TDRD12: variants seen among roughly 807,000 people sequenced by gnomAD.
TDRD12 encodes the protein putative ATP-dependent RNA helicase TDRD12.
TDRD12 carries 158 observed loss-of-function variants against 133.5 expected under a neutral mutation model. That is an observed-to-expected ratio of 1.18 (90% CI 1.04 to 1.35). TDRD12 has a LOEUF of 1.35. TDRD12 is among the 40% of genes most tolerant of loss of function. The probability of loss-of-function intolerance (pLI) is 0.00; values close to 1 mark genes in which losing one functional copy is unlikely to be tolerated. For synonymous variants in TDRD12, 460 were observed against 477.9 expected (o/e 0.96, Z 0.49); for missense variants, 1,443 against 1,321.3 (o/e 1.09, Z -1.43).
chr19:32,738,904 G>A, exon 3 of TDRD12: 4 of 1,551,496 alleles, frequency 2.6e-6, no homozygotes, highest in Non-Finnish European at 3.5e-6. Flanking sequence ...CAGGGCCATT[G>A]TCAAATCAAT....
chr19:32,757,076 C>T, exon 8 of TDRD12: 1 of 1,551,874 alleles, frequency 6.4e-7, no homozygotes, highest in Non-Finnish European at 8.7e-7. Flanking sequence ...ATCTCTGCAA[C>T]ATACATGGTG....
intron 8 of TDRD12, among the ~76,000 whole-genome samples, chr19:32,767,732 C>G (rs1970338882): frequency 6.6e-6 from 1 of 152,150 alleles, no homozygotes; most frequent in South Asian, 2.1e-4. Flanking sequence ...ATGGTGCTTT[C>G]TCTCTCATTT....
intron 19 of TDRD12, 53 bp from the exon 20 acceptor site, chr19:32,802,603 A>C (rs999100584): frequency 1.5e-5 from 23 of 1,514,882 alleles, no homozygotes; most frequent in Non-Finnish European, 1.9e-5. Flanking sequence ...TGCCGGTTAA[A>C]GTAAGTGCGG....
At chr19:32,817,908 C>T (rs1383378433) in intron 26 of TDRD12, among the ~76,000 whole-genome samples, 181 bp from the exon 27 acceptor site, 1 of 126,610 alleles carries the variant, frequency 7.9e-6, no homozygotes, top group African/African-American at 3.3e-5. Flanking sequence ...TCCTCTGGCC[C>T]AGCCCACCCA....
At chr19:32,795,495 G>A (rs1462427509) in intron 14 of TDRD12, among the ~76,000 whole-genome samples, 1 of 152,086 alleles carries the variant, frequency 6.6e-6, no homozygotes, top group Non-Finnish European at 1.5e-5. Flanking sequence ...AAGAGTTACT[G>A]GGGTAAATTT....
intron 8 of TDRD12, among the ~76,000 whole-genome samples, chr19:32,771,440 A>G (rs1970440285): frequency 6.6e-6 from 1 of 152,138 alleles, no homozygotes; most frequent in South Asian, 2.1e-4. Context: ...GTTTACAGGC[A>G]TGCTGTTGCA....
intron 4 of TDRD12, among the ~76,000 whole-genome samples, chr19:32,744,028 CAAAAA>C (rs1046198554): frequency 1.2e-5 from 1 of 80,442 alleles, no homozygotes; most frequent in Admixed American, 1.4e-4. Flanking sequence ...AACTCCATCT[CAAAAA>C]AAAAAAAAAA....
intron 19 of TDRD12, among the ~76,000 whole-genome samples, chr19:32,802,211 A>G (rs899835371): frequency 1.4e-5 from 2 of 139,596 alleles, no homozygotes; most frequent in African/African-American, 5.8e-5. Context: ...TAGTGATCAT[A>G]TATATGATAG....
chr19:32,767,092 T>A (rs550585969), intron 8 of TDRD12, among the ~76,000 whole-genome samples: 1 of 137,460 alleles, frequency 7.3e-6, no homozygotes, highest in African/African-American at 2.7e-5. Context: ...TTTTCATGCA[T>A]TTTATTTATT....
intron 2 of TDRD12, among the ~76,000 whole-genome samples, chr19:32,736,720 T>A (rs965601439): frequency 4.6e-5 from 7 of 152,240 alleles, no homozygotes; most frequent in African/African-American, 1.4e-4. Flanking sequence ...CCCCTTCCTT[T>A]CTGTCTGAGC....
chr19:32,805,479 G>A lies in TDRD12; in HGVS notation c.2553-2070G>A, dbSNP rs182878852. On this transcript the variant is annotated intron_variant, in intron 21 of 27. Coordinates refer to ENST00000444215, the Ensembl canonical transcript of TDRD12. The stretch of plus-strand genomic sequence containing the variant: ...ATGGATAATGGTTTGCTCCAGCATC[G>A]TTTATTTAAAATATCATTCGGTTCT... Among the ~76,000 whole-genome samples, 98 of 151,980 alleles carry A rather than the reference G, an allele frequency of 6.4e-4. 1 individual carries two copies. Among genetic ancestry groups the A allele is most frequent in the Admixed American group, 5.9e-3 (90 of 15,276 alleles).
At chr19:32,759,924 C>T (rs1970104703) in intron 8 of TDRD12, among the ~76,000 whole-genome samples, 2 of 152,254 alleles carry the variant, frequency 1.3e-5, no homozygotes, top group African/African-American at 2.4e-5. Context: ...CTTGGCTCAG[C>T]GCCTGGCCTG....
chr19:32,807,646 A>G (rs769114698), exon 22 of TDRD12: 21 of 1,523,474 alleles, frequency 1.4e-5, no homozygotes, highest in South Asian at 1.4e-4. Flanking sequence ...TGGATACATT[A>G]AAGTAGGTTT....
exon 10 of TDRD12, chr19:32,827,372 C>CTTTTCTTTCTTT (rs61327156): frequency 2.1e-4 from 26 of 122,398 alleles, no homozygotes; most frequent in Non-Finnish European, 3.1e-4. Flanking sequence ...CTTTTCTTTT[C>CTTTTCTTTCTTT]TTTTTTTTTT....
chr19:32,753,238 A>G (rs923136450), intron 6 of TDRD12, among the ~76,000 whole-genome samples: 1 of 152,200 alleles, frequency 6.6e-6, no homozygotes, highest in Non-Finnish European at 1.5e-5. Flanking sequence ...TAGGAAATAT[A>G]TGTATGTACT....
intron 6 of TDRD12, among the ~76,000 whole-genome samples, chr19:32,752,167 C>T (rs1969849444): frequency 6.6e-6 from 1 of 151,510 alleles, no homozygotes; most frequent in African/African-American, 2.4e-5. Flanking sequence ...AGCCATCACA[C>T]CCAGCCCCCT....
chr19:32,729,778 CTTTTTTTTTTTT>C (rs1162347194), intron 1 of TDRD12, among the ~76,000 whole-genome samples: 25 of 73,688 alleles, frequency 3.4e-4, no homozygotes, highest in African/African-American at 1.1e-3. Flanking sequence ...TTTTCTTTTT[CTTTTTTTTTTTT>C]TTTTTTTTTT....
intron 3 of TDRD12, among the ~76,000 whole-genome samples, chr19:32,740,218 T>C (rs1463004283): frequency 7.7e-5 from 8 of 104,314 alleles, no homozygotes; most frequent in Admixed American, 9.3e-5. Context: ...ATCTCCTGGG[T>C]ACTCTCTGCA....
At chr19:32,822,275 C>T (rs1286945422), downstream of TDRD12, among the ~76,000 whole-genome samples, 1 of 151,988 alleles carries the variant, frequency 6.6e-6, no homozygotes, top group East Asian at 1.9e-4. Context: ...ACTAAAAACA[C>T]AAAAATATTA....
Sources: gnomAD v4.1 joint callset for allele counts (sites outside exome capture counted in the v4.1 genomes callset) on GRCh38, gnomAD v4.1.1 for gene constraint, MANE v1.5 for transcripts, NCBI Gene and HGNC (gene_info 2026-07-23, HGNC 2026-07-21) for gene names.